Variants in STK32C observed in about 807,000 individuals in gnomAD.
STK32C encodes serine/threonine-protein kinase 32C.
In STK32C, 31 loss-of-function variants were observed where a neutral mutation model predicts 56.5. That is an observed-to-expected ratio of 0.55 (90% confidence interval 0.41 to 0.74). The LOEUF (loss-of-function observed/expected upper bound fraction) is 0.74. Ranked by LOEUF, STK32C falls within the 30% of genes least tolerant of loss-of-function variation. The pLI is 0.00. For synonymous variants in STK32C, 309 were observed against 289.4 expected, an observed-to-expected ratio of 1.07 and a Z score of -0.69; for missense variants, 544 against 676.9, an observed-to-expected ratio of 0.80 and a Z score of 2.18.
intron 1 of STK32C, among the ~76,000 whole-genome samples, chr10:132,257,903 C>T (rs989494024): frequency 2.6e-5 from 4 of 152,144 alleles, no homozygotes; most frequent in South Asian, 2.1e-4. Flanking sequence ...AAGGAGGCCG[C>T]GGCCCAGCAG....
chr10:132,267,300 C>G (rs1018364685), intron 1 of STK32C, among the ~76,000 whole-genome samples: 1 of 152,168 alleles, frequency 6.6e-6, no homozygotes, highest in Non-Finnish European at 1.5e-5. Context: ...CACTTGTATT[C>G]TGGAGGCCTG....
chr10:132,275,182 G>T (rs1205647487), intron 1 of STK32C, among the ~76,000 whole-genome samples: 1 of 152,208 alleles, frequency 6.6e-6, no homozygotes, highest in Admixed American at 6.5e-5. Flanking sequence ...GCAGCCATGG[G>T]AGGTCCGGCA....
downstream of STK32C, among the ~76,000 whole-genome samples, chr10:132,322,483 C>T (rs114506135): frequency 8.5e-3 from 1,297 of 152,228 alleles, 22 homozygotes; most frequent in African/African-American, 0.029. Context: ...GTTTAAAAAT[C>T]CTTTCTTAGC....
intron 1 of STK32C, among the ~76,000 whole-genome samples, chr10:132,274,359 G>A (rs987829916): frequency 6.6e-6 from 1 of 152,206 alleles, no homozygotes; most frequent in African/African-American, 2.4e-5. Flanking sequence ...CCATTGCTAG[G>A]GAAAGGCGGC....
chr10:132,302,344 A>G (rs2065933252), intron 1 of STK32C, among the ~76,000 whole-genome samples: 1 of 152,256 alleles, frequency 6.6e-6, no homozygotes, highest in African/African-American at 2.4e-5. Context: ...CAGAGCTGAC[A>G]TTTGTTACAT....
chr10:132,308,102 A>AGGGGCGGGGCCGAGCCG (rs1554883706), upstream of STK32C: 5 of 28,968 alleles, frequency 1.7e-4, no homozygotes, highest in Non-Finnish European at 3.6e-4. Context: ...CGGGAAGGGT[A>AGGGGCGGGGCCGAGCCG]GGGGCGGGGC....
chr10:132,235,357 G>A (rs916776460), intron 2 of STK32C, among the ~76,000 whole-genome samples: 2 of 151,942 alleles, frequency 1.3e-5, no homozygotes, highest in South Asian at 2.1e-4. Flanking sequence ...TTAGCTGGGT[G>A]TGGTGGCGTG....
intron 2 of STK32C, among the ~76,000 whole-genome samples, chr10:132,230,679 C>G (rs61265107): frequency 0.16 from 7,556 of 48,510 alleles, 617 homozygotes; most frequent in Non-Finnish European, 0.18. Flanking sequence ...GGGAAGCTGG[C>G]GGGGGGGGGG....
intron 2 of STK32C, among the ~76,000 whole-genome samples, chr10:132,234,591 TGGCCCCTTCTGAGCTTCC>T (rs1231026845): frequency 6.6e-6 from 1 of 152,248 alleles, no homozygotes; most frequent in Non-Finnish European, 1.5e-5. Flanking sequence ...GTGCTCTGTA[TGGCCCCTTCTGAGCTTCC>T]GGCCCCTTCA....
intron 1 of STK32C, among the ~76,000 whole-genome samples, chr10:132,275,893 G>A (rs1441276985): frequency 6.6e-6 from 1 of 152,142 alleles, no homozygotes; most frequent in Non-Finnish European, 1.5e-5. Context: ...CCTGTGTCGG[G>A]CAGGAGACTG....
intron 10 of STK32C, among the ~76,000 whole-genome samples, chr10:132,215,201 A>G (rs959506543): frequency 3.3e-5 from 5 of 152,004 alleles, no homozygotes; most frequent in Non-Finnish European, 7.4e-5. Context: ...TTTTGTAGAG[A>G]CAGGGTCTCG....
intron 1 of STK32C, among the ~76,000 whole-genome samples, chr10:132,304,083 TA>T (rs1363367836): frequency 6.6e-6 from 1 of 152,230 alleles, no homozygotes; most frequent in African/African-American, 2.4e-5. Flanking sequence ...ATGTCGTTCC[TA>T]AAAATGTATC....
chr10:132,305,482 A>G (rs996619533), intron 1 of STK32C, among the ~76,000 whole-genome samples: 2 of 152,202 alleles, frequency 1.3e-5, no homozygotes, highest in Non-Finnish European at 2.9e-5. Flanking sequence ...TGCCATAGCA[A>G]CCGTGCAGAT....
At chr10:132,281,051 C>T (rs1387991973) in intron 1 of STK32C, among the ~76,000 whole-genome samples, 1 of 151,748 alleles carries the variant, frequency 6.6e-6, no homozygotes, top group Non-Finnish European at 1.5e-5. Flanking sequence ...TGATCACACC[C>T]CTGCACTCTG....
intron 2 of STK32C, among the ~76,000 whole-genome samples, chr10:132,233,174 A>C (rs2063157019): frequency 6.6e-6 from 1 of 152,168 alleles, no homozygotes; most frequent in Non-Finnish European, 1.5e-5. Context: ...GTCAGTGCCC[A>C]GGACGGGGCT....
intron 1 of STK32C, among the ~76,000 whole-genome samples, chr10:132,268,284 C>T (rs1353870073): frequency 5.1e-5 from 5 of 98,886 alleles, no homozygotes; most frequent in Non-Finnish European, 5.8e-5. Flanking sequence ...CAGCTCTATG[C>T]CTGTGTGCAT....
In STK32C at chr10:132,210,537, C is replaced by T. The variant is rs143782513; in HGVS notation, c.1252-1436G>A. 1.9e-4 allele frequency among the ~76,000 whole-genome samples: 29 copies of T among 152,350 alleles called. No individual in the cohort carries two copies. The East Asian group carries it at 5.6e-3, about 29-fold the overall frequency. Reference sequence around the variant, plus strand: ...TGCTGAGATTACAGGCGTGAGCCACCATGCCTGGCCCTGTGGATCCTATTA... The same window carrying T: ...TGCTGAGATTACAGGCGTGAGCCACTATGCCTGGCCCTGTGGATCCTATTA... On this transcript the variant is annotated intron_variant, in intron 10 of 11. Transcript: ENST00000298630.
intron 1 of STK32C, among the ~76,000 whole-genome samples, chr10:132,248,686 G>A (rs1377519864): frequency 6.6e-6 from 1 of 152,242 alleles, no homozygotes; most frequent in African/African-American, 2.4e-5. Flanking sequence ...GGCACCTGCT[G>A]TGCCAGGCCC....
intron 1 of STK32C, among the ~76,000 whole-genome samples, chr10:132,291,459 G>A (rs1356577272): frequency 6.6e-6 from 1 of 152,162 alleles, no homozygotes; most frequent in Non-Finnish European, 1.5e-5. Context: ...GAAGTCCATG[G>A]TCAAGCTGTG....
Sources: allele counts gnomAD v4.1 joint callset (sites outside exome capture counted in the v4.1 genomes callset), GRCh38; gene constraint gnomAD v4.1.1; transcripts MANE v1.5; gene names NCBI Gene and HGNC (gene_info 2026-07-23, HGNC 2026-07-21).